The following TMEM232 variants were observed in gnomAD, a reference collection of about 807,000 sequenced individuals.
TMEM232 encodes transmembrane protein 232.
Under a neutral mutation model 78.8 loss-of-function variants are expected in TMEM232, and 80 were observed. That is an observed-to-expected ratio of 1.01 (90% CI 0.85 to 1.22). TMEM232 has a LOEUF of 1.22. Among genes scored for constraint, TMEM232 ranks in the 50% most tolerant of loss-of-function variants. The pLI is 0.00. For missense variants in TMEM232, 881 were observed against 742.2 expected, an observed-to-expected ratio of 1.19 and a Z score of -2.17; for synonymous variants, 297 against 254.3, an observed-to-expected ratio of 1.17 and a Z score of -1.60.
chr5:110,668,217 G>C (rs1790862464), intron 1 of TMEM232, among the ~76,000 whole-genome samples: 1 of 152,100 alleles, frequency 6.6e-6, no homozygotes, highest in African/African-American at 2.4e-5. Context: ...TGTATTCTCA[G>C]AGACTAGAAA....
At chr5:110,431,818 C>T (rs1256866528) in intron 12 of TMEM232, among the ~76,000 whole-genome samples, 1 of 151,282 alleles carries the variant, frequency 6.6e-6, no homozygotes, top group Non-Finnish European at 1.5e-5. Flanking sequence ...GATAGGGAAA[C>T]AGAAATATCT....
chr5:110,574,261 C>T (rs771396010), intron 10 of TMEM232, among the ~76,000 whole-genome samples: 9 of 152,058 alleles, frequency 5.9e-5, no homozygotes, highest in South Asian at 2.1e-4. Context: ...TTTACCTTTT[C>T]GCTTCTTGGT....
intron 1 of TMEM232, among the ~76,000 whole-genome samples, chr5:110,670,441 C>T (rs913178327): frequency 6.6e-6 from 1 of 152,122 alleles, no homozygotes; most frequent in East Asian, 1.9e-4. Context: ...TGAAGGACCT[C>T]TTCAATGAGA....
chr5:110,608,154 G>A (rs538059947), intron 8 of TMEM232, among the ~76,000 whole-genome samples: 3 of 151,858 alleles, frequency 2.0e-5, no homozygotes, highest in African/African-American at 7.2e-5. Context: ...ATATGTTATA[G>A]GGCAATTTAT....
intron 11 of TMEM232, among the ~76,000 whole-genome samples, chr5:110,529,674 TA>T (rs371217202): frequency 0.04 from 6,154 of 152,086 alleles, 200 homozygotes; most frequent in African/African-American, 0.086. Context: ...AATCAAAATG[TA>T]AAAAAAATAC....
At chr5:110,598,163 GA>G (rs1365280592) in intron 10 of TMEM232, among the ~76,000 whole-genome samples, 2 of 151,722 alleles carry the variant, frequency 1.3e-5, no homozygotes, top group Non-Finnish European at 2.9e-5. Context: ...AAATTTACAA[GA>G]AAAAAACAAA....
chr5:110,538,497 G>A (rs924964138), intron 11 of TMEM232, among the ~76,000 whole-genome samples: 4 of 152,168 alleles, frequency 2.6e-5, no homozygotes, highest in African/African-American at 9.7e-5. Flanking sequence ...GGGCCATAAT[G>A]ATAATGCCAT....
intron 11 of TMEM232, among the ~76,000 whole-genome samples, chr5:110,542,516 T>G (rs371829178): frequency 6.6e-6 from 1 of 152,102 alleles, no homozygotes; most frequent in Admixed American, 6.6e-5. Context: ...CCTGTCTTCA[T>G]TAGACAGAGC....
intron 5 of TMEM232, among the ~76,000 whole-genome samples, chr5:110,634,932 C>T (rs1281805952): frequency 6.6e-6 from 1 of 151,654 alleles, no homozygotes; most frequent in Admixed American, 6.6e-5. Flanking sequence ...TAAAATTGAT[C>T]AACTGCTAGC....
chr5:110,610,651 A>C, intron 8 of TMEM232: 2 of 407,312 alleles, frequency 4.9e-6, no homozygotes, highest in South Asian at 3.5e-5. Context: ...CTAAATCACA[A>C]AGATGTTCCT....
intron 1 of TMEM232, among the ~76,000 whole-genome samples, chr5:110,724,357 T>G (rs1200171345): frequency 6.6e-6 from 1 of 152,148 alleles, no homozygotes. Context: ...GCTCTAGATT[T>G]GTTTTCCAAC....
In TMEM232 at chr5:110,424,876, G is replaced by T; in HGVS notation, c.1744C>A (p.Pro582Thr). 1 of 1,550,230 alleles carries T rather than the reference G, an allele frequency of 6.5e-7. No homozygotes were observed. The highest frequency in any genetic ancestry group is 2.5e-5 in the East Asian group (1 of 40,798). The change falls in exon 13 of 14, where the codon CCA becomes ACA. Residue 582 changes from proline to threonine, a missense_variant. Transcript: ENST00000455884. ...TTATCTGCCTTGGTGAAGAAATCTGGATATGGAAACATGGGAATTTCTGAT... is the reference window on the plus strand; with the variant it reads ...TTATCTGCCTTGGTGAAGAAATCTGTATATGGAAACATGGGAATTTCTGAT... ...SVSEIPMFPY[P>T]DFFTKADKEL...
chr5:110,608,997 C>T (rs1338924086), intron 8 of TMEM232, among the ~76,000 whole-genome samples: 1 of 152,064 alleles, frequency 6.6e-6, no homozygotes, highest in Non-Finnish European at 1.5e-5. Flanking sequence ...GTTTTACTGG[C>T]TTGTCTAAAA....
intron 10 of TMEM232, among the ~76,000 whole-genome samples, chr5:110,589,669 G>A (rs1050960599): frequency 6.6e-6 from 1 of 152,032 alleles, no homozygotes; most frequent in Non-Finnish European, 1.5e-5. Flanking sequence ...GATAATATGA[G>A]TATCTGTGTC....
At chr5:110,423,825 A>T (rs951848854) in intron 13 of TMEM232, among the ~76,000 whole-genome samples, 1 of 146,074 alleles carries the variant, frequency 6.8e-6, no homozygotes, top group East Asian at 2.1e-4. Context: ...GTATGTGTGT[A>T]TGTGATGTTG....
intron 3 of TMEM232, among the ~76,000 whole-genome samples, chr5:110,397,295 T>C (rs975898558): frequency 6.6e-6 from 1 of 152,170 alleles, no homozygotes; most frequent in Non-Finnish European, 1.5e-5. Context: ...ATGTATAACA[T>C]ACTTCTTATA....
At chr5:110,653,065 A>C (rs1788557181) in intron 2 of TMEM232, among the ~76,000 whole-genome samples, 1 of 152,346 alleles carries the variant, frequency 6.6e-6, no homozygotes, top group South Asian at 2.1e-4. Flanking sequence ...CTATTTAATG[A>C]AAGCCTCCTA....
rs573094843 is a variant in TMEM232 at position 110,400,607 on chromosome 5, C to T, written n.309-2753G>A. On this transcript the variant is annotated intron_variant and non_coding_transcript_variant, in intron 2 of 8. Transcript: ENST00000507188. Reference sequence around the variant, plus strand: ...CAGGGAAAGTCAAGTTTATAAATGCCTTTATTTCCAGAATCCAAATTAATT... The same window carrying T: ...CAGGGAAAGTCAAGTTTATAAATGCTTTTATTTCCAGAATCCAAATTAATT... 4.6e-5 allele frequency among the ~76,000 whole-genome samples: 7 copies of T among 152,016 alleles called. No homozygotes were observed. The South Asian group carries it at 1.2e-3, about 27-fold the overall frequency.
intron 1 of TMEM232, among the ~76,000 whole-genome samples, chr5:110,688,360 G>C (rs1036845133): frequency 2.6e-5 from 4 of 152,198 alleles, no homozygotes; most frequent in Non-Finnish European, 5.9e-5. Flanking sequence ...TTGTTGAAGA[G>C]ATGACAGTAA....
Sources: gnomAD v4.1 joint callset for allele counts (sites outside exome capture counted in the v4.1 genomes callset) on GRCh38, gnomAD v4.1.1 for gene constraint, MANE v1.5 for transcripts, NCBI Gene and HGNC (gene_info 2026-07-23, HGNC 2026-07-21) for gene names.